CCDC171: variants seen among roughly 807,000 people sequenced by gnomAD.
The protein encoded by CCDC171 is coiled-coil domain-containing protein 171.
In CCDC171, 177 loss-of-function variants were observed where a neutral mutation model predicts 168.2. That is an observed-to-expected ratio of 1.05 (90% CI 0.93 to 1.19). The LOEUF (loss-of-function observed/expected upper bound fraction) is 1.19, where lower values mean the gene tolerates loss of function less well. Among genes scored for constraint, CCDC171 ranks in the 50% most tolerant of loss-of-function variants. The pLI, the probability that CCDC171 is intolerant of heterozygous loss-of-function variation, is 0.00. For synonymous variants in CCDC171, 687 were observed against 540.8 expected, an observed-to-expected ratio of 1.27 and a Z score of -3.75; for missense variants, 1,991 against 1,539.0, an observed-to-expected ratio of 1.29 and a Z score of -4.91.
At chr9:16,069,227 G>GCT in the CCDC171 span, among the ~76,000 whole-genome samples, 4 of 152,334 alleles carry the variant, frequency 2.6e-5, no homozygotes, top group Admixed American at 2.6e-4. Context: ...ATGGAAAAAA[G>GCT]CTCTGAGTGG....
chr9:15,590,056 A>G lies in CCDC171; in HGVS notation c.353-1310A>G, dbSNP rs372568489. 1.1e-4 allele frequency among the ~76,000 whole-genome samples: 17 copies of G among 152,222 alleles called. No homozygotes were observed. The East Asian group carries it at 2.1e-3, about 19-fold the overall frequency. ...TAGCATTATGAAATTTCAGAAAAAT[A>G]AAGACAGAGAAGATTCTAAAGCTTT... On this transcript the variant is annotated intron_variant, in intron 4 of 25. Transcript: ENST00000380701.
In CCDC171 at chr9:15,874,620, C is replaced by A. The variant is rs1047541206; in HGVS notation, c.3557C>A (p.Ala1186Glu). Reference protein sequence around the residue: ...QLPKLHLETFAMEGLKGGPEV... With the variant: ...QLPKLHLETFEMEGLKGGPEV... ...CCCAAACTGCACCTGGAGACCTTTGCAATGGAGGGGCTCAAGGGCGGGCCA... is the reference window on the plus strand; with the variant it reads ...CCCAAACTGCACCTGGAGACCTTTGAAATGGAGGGGCTCAAGGGCGGGCCA... The change falls in exon 24 of 26, where the codon GCA becomes GAA. Residue 1186 changes from alanine (A) to glutamate (E), a missense_variant. Coordinates refer to ENST00000380701, the MANE Select transcript of CCDC171 (RefSeq NM_173550.4). 6.2e-7 allele frequency: 1 copy of A among 1,605,290 alleles called. No homozygotes were observed. The highest frequency in any genetic ancestry group is 1.7e-5 in the Admixed American group (1 of 58,848).
At chr9:15,864,414 C>A (rs1588907473) in intron 23 of CCDC171, among the ~76,000 whole-genome samples, 1 of 152,014 alleles carries the variant, frequency 6.6e-6, no homozygotes, top group African/African-American at 2.4e-5. Flanking sequence ...CACCCATTAA[C>A]TTGTCATTTA....
At chr9:16,094,008 G>C in the CCDC171 span, among the ~76,000 whole-genome samples, 3 of 152,178 alleles carry the variant, frequency 2.0e-5, no homozygotes, top group East Asian at 5.8e-4. Flanking sequence ...GAGCCAAACT[G>C]GGCCAATGGA....
chr9:16,063,189 C>T (rs1287402539), downstream of CCDC171, among the ~76,000 whole-genome samples: 1 of 152,074 alleles, frequency 6.6e-6, no homozygotes, highest in Non-Finnish European at 1.5e-5. Context: ...AGTAGTGATT[C>T]CTAAGCATTT....
At chr9:15,679,957 G>A (rs1460599449) in intron 10 of CCDC171, among the ~76,000 whole-genome samples, 1 of 152,094 alleles carries the variant, frequency 6.6e-6, no homozygotes, top group Non-Finnish European at 1.5e-5. Context: ...TTTACATCCT[G>A]TGATGCCCAG....
At chr9:15,947,812 T>A (rs917972494) in intron 25 of CCDC171, among the ~76,000 whole-genome samples, 1 of 150,946 alleles carries the variant, frequency 6.6e-6, no homozygotes, top group African/African-American at 2.4e-5. Flanking sequence ...CATATTTTTT[T>A]TAATTTTTTT....
intron 24 of CCDC171, among the ~76,000 whole-genome samples, chr9:15,908,779 C>G (rs373329425): frequency 6.6e-6 from 1 of 152,122 alleles, no homozygotes; most frequent in Non-Finnish European, 1.5e-5. Context: ...GAATGGGGAG[C>G]AGGCACGTCA....
In CCDC171 at chr9:15,608,125, C is replaced by T. The variant is rs373354392; in HGVS notation, c.675+13953C>T. 7.9e-5 allele frequency among the ~76,000 whole-genome samples: 12 copies of T among 152,062 alleles called. No individual in the cohort carries two copies. The East Asian group carries it at 1.9e-3, about 25-fold the overall frequency. On this transcript the variant is annotated intron_variant, in intron 6 of 25. Coordinates refer to ENST00000380701, the MANE Select transcript of CCDC171 (RefSeq NM_173550.4). ...CTTGTAAAGCCACCAGTTCTACTGC[C>T]ATGATAACCCATTAACCCATTAATC...
chr9:15,940,696 A>G (rs1311155570), intron 25 of CCDC171, among the ~76,000 whole-genome samples: 1 of 151,874 alleles, frequency 6.6e-6, no homozygotes, highest in East Asian at 1.9e-4. Context: ...AGAGAAATTG[A>G]AGGGATATGC....
chr9:15,738,167 A>G (rs1434367252), intron 16 of CCDC171, among the ~76,000 whole-genome samples: 1 of 152,326 alleles, frequency 6.6e-6, no homozygotes, highest in Admixed American at 6.5e-5. Flanking sequence ...CAAGAGTGAT[A>G]CAAAAGAATT....
At chr9:15,578,056 G>C (rs2040812039) in intron 3 of CCDC171, among the ~76,000 whole-genome samples, 1 of 152,064 alleles carries the variant, frequency 6.6e-6, no homozygotes, top group East Asian at 1.9e-4. Context: ...TTTATGATCA[G>C]TGATATCATA....
intron 10 of CCDC171, among the ~76,000 whole-genome samples, chr9:15,680,914 T>C (rs555654454): frequency 6.6e-6 from 1 of 152,278 alleles, no homozygotes; most frequent in East Asian, 1.9e-4. Context: ...TAATCACCAA[T>C]ATAGGTTGCA....
intron 25 of CCDC171, among the ~76,000 whole-genome samples, chr9:15,920,918 TC>T (rs781730896): frequency 2.8e-4 from 42 of 151,502 alleles, no homozygotes; most frequent in Non-Finnish European, 5.0e-4. Flanking sequence ...TATTTTCATG[TC>T]TTAAAATTTC....
chr9:15,750,347 A>C (rs2055636454), intron 18 of CCDC171, among the ~76,000 whole-genome samples: 1 of 152,310 alleles, frequency 6.6e-6, no homozygotes, highest in African/African-American at 2.4e-5. Flanking sequence ...CACCAAAAAA[A>C]GCCCAGGACC....
chr9:15,945,711 C>A (rs10810490), intron 25 of CCDC171, among the ~76,000 whole-genome samples: 48,083 of 149,508 alleles, frequency 0.32, 9,889 homozygotes, highest in East Asian at 0.64. Context: ...TCCTTCACCC[C>A]CTTTTTGATG....
At position 15,777,466 on chromosome 9, in the gene CCDC171, C is replaced by A. The variant is rs2057387603; in HGVS notation, c.2672-134C>A. On this transcript the variant is annotated intron_variant, in intron 18 of 25. Transcript: ENST00000380701. ...CATAGTGAAAATAATGTGGGAAGGA[C>A]CTTTTTGAATGAATTACTACAGGTG... 3 of 545,240 alleles carry A rather than the reference C, an allele frequency of 5.5e-6. No individual in the cohort carries two copies. In the South Asian group the frequency reaches 8.8e-5, roughly 16 times the overall value. The allele number at this position is 545,240 out of a possible 1,614,324, so 33.8% of individuals were successfully genotyped here.
intron 4 of CCDC171, among the ~76,000 whole-genome samples, chr9:15,590,336 T>G (rs1250770967): frequency 6.6e-6 from 1 of 152,240 alleles, no homozygotes; most frequent in Non-Finnish European, 1.5e-5. Context: ...GTGGCATCTT[T>G]TAACATGTGT....
chr9:15,994,962 A>G (rs1260708731), intron 3 of CCDC171, among the ~76,000 whole-genome samples: 3 of 152,316 alleles, frequency 2.0e-5, no homozygotes, highest in East Asian at 3.9e-4. Context: ...CACCTTATGT[A>G]TCATCATCAC....
Sources: allele counts gnomAD v4.1 joint callset (sites outside exome capture counted in the v4.1 genomes callset), GRCh38; gene constraint gnomAD v4.1.1; transcripts MANE v1.5; gene names NCBI Gene and HGNC (gene_info 2026-07-23, HGNC 2026-07-21).